The following ZC4H2 variants were observed in gnomAD, a reference collection of about 807,000 sequenced individuals.
ZC4H2 encodes the protein zinc finger C4H2-type containing, also known as zinc finger C4H2 domain-containing protein.
For missense variants in ZC4H2, 137 were observed against 173.9 expected (o/e 0.79, Z 1.19); for synonymous variants, 84 against 66.3 (o/e 1.27, Z -1.30).
intron 1 of ZC4H2, among the ~76,000 whole-genome samples, chrX:64,954,405 C>T (rs1451439445): frequency 1.4e-5 from 1 of 73,847 alleles, no homozygotes; most frequent in African/African-American, 9.2e-5. Flanking sequence ...TATATATATG[C>T]TCAAAAATTG....
chrX:64,920,404 C>T, intron 2 of ZC4H2, 151 bp from the exon 3 acceptor site: 1 of 526,858 alleles, frequency 1.9e-6, no homozygotes, highest in Non-Finnish European at 2.9e-6. Flanking sequence ...TAACTCTGGT[C>T]AAGTCTCAGT....
At chrX:65,002,915 C>T (rs1447173011) in intron 1 of ZC4H2, among the ~76,000 whole-genome samples, 19 of 109,241 alleles carry the variant, frequency 1.7e-4, no homozygotes, top group Non-Finnish European at 1.7e-4. Context: ...AGGACACAAA[C>T]ACTGCGGAAG....
chrX:64,954,459 A>T (rs1461694792), intron 1 of ZC4H2, among the ~76,000 whole-genome samples: 6 of 94,694 alleles, frequency 6.3e-5, no homozygotes, highest in Admixed American at 1.2e-4. Flanking sequence ...GCTTGCTATT[A>T]ATCATTATTA....
chrX:64,994,700 G>C (rs964107228), intron 1 of ZC4H2, among the ~76,000 whole-genome samples: 2 of 111,301 alleles, frequency 1.8e-5, no homozygotes, highest in African/African-American at 3.3e-5. Context: ...TGGTGTTAAA[G>C]CAACAGAATT....
intron 1 of ZC4H2, among the ~76,000 whole-genome samples, chrX:65,007,087 G>A (rs1310381806): frequency 9.1e-6 from 1 of 109,827 alleles, no homozygotes; most frequent in Non-Finnish European, 1.9e-5. Flanking sequence ...GAAGTGTCTC[G>A]AAGAATGTCT....
At chrX:65,026,848 G>T (rs1932884659) in intron 1 of ZC4H2, among the ~76,000 whole-genome samples, 1 of 112,361 alleles carries the variant, frequency 8.9e-6, no homozygotes, top group African/African-American at 3.2e-5. Flanking sequence ...CTCTTTCACT[G>T]CTGCATCTCT....
chrX:64,940,859 T>A (rs764152363), intron 1 of ZC4H2, among the ~76,000 whole-genome samples: 1 of 112,153 alleles, frequency 8.9e-6, no homozygotes, highest in Admixed American at 9.5e-5. Flanking sequence ...TCTTTTTGCT[T>A]AGGACTGTCT....
At chrX:64,930,403 A>G (rs1275637997) in intron 1 of ZC4H2, among the ~76,000 whole-genome samples, 1 of 111,569 alleles carries the variant, frequency 9.0e-6, no homozygotes, top group Admixed American at 9.5e-5. Context: ...TTCCAGTACT[A>G]TGTTCAATAG....
rs890713913 is a variant in ZC4H2, at chrX:64,937,488, T to G, written c.54-15500A>C. Among the ~76,000 whole-genome samples, 164 of 111,868 alleles carry G rather than the reference T, an allele frequency of 1.5e-3. 2 individuals are homozygous for G. The highest frequency in any genetic ancestry group is 3.4e-4 in the Non-Finnish European group (18 of 53,169). On this transcript the variant is annotated intron_variant, in intron 1 of 4. Transcript: ENST00000374839. The stretch of plus-strand genomic sequence containing the variant: ...CTCCAAACCAAAAGAATATATATTC[T>G]TCTCAGCAACTCATTGCACTTATTC...
At chrX:65,018,895 TCA>T (rs1184438507) in intron 1 of ZC4H2, among the ~76,000 whole-genome samples, 2 of 111,371 alleles carry the variant, frequency 1.8e-5, no homozygotes, top group Non-Finnish European at 3.8e-5. Context: ...AGTTTTCCCC[TCA>T]GAGTATAAAC....
chrX:64,960,629 G>C (rs749355133), intron 1 of ZC4H2, among the ~76,000 whole-genome samples: 48 of 112,183 alleles, frequency 4.3e-4, no homozygotes, highest in Non-Finnish European at 8.9e-4. Flanking sequence ...GGATAAAACT[G>C]ATACTAAGTA....
intron 1 of ZC4H2, among the ~76,000 whole-genome samples, chrX:64,956,547 G>T (rs1296891362): frequency 2.7e-5 from 3 of 111,431 alleles, no homozygotes; most frequent in Non-Finnish European, 5.6e-5. Flanking sequence ...AACCCAAAAT[G>T]ATGGTAACAG....
At chrX:64,971,476 T>C (rs1333673332) in intron 1 of ZC4H2, among the ~76,000 whole-genome samples, 1 of 111,810 alleles carries the variant, frequency 8.9e-6, no homozygotes, top group Non-Finnish European at 1.9e-5. Context: ...AGGTGAGTCA[T>C]TAAAGAGAAA....
intron 1 of ZC4H2, among the ~76,000 whole-genome samples, chrX:64,923,427 C>T (rs1483270769): frequency 9.1e-6 from 1 of 110,305 alleles, no homozygotes; most frequent in African/African-American, 3.3e-5. Flanking sequence ...TTGTAGTCTC[C>T]TTTCTTCTCC....
chrX:64,946,583 A>ACG (rs1248248639), intron 1 of ZC4H2, among the ~76,000 whole-genome samples: 3 of 14,968 alleles, frequency 2.0e-4, no homozygotes, highest in African/African-American at 2.1e-4. Context: ...AAATGCGTGC[A>ACG]CACACACACA....
chrX:64,928,632 CCTTCTTCTTCTTCTTCTTCTTCTTCTT>C (rs753426558), intron 1 of ZC4H2, among the ~76,000 whole-genome samples: 1 of 83,338 alleles, frequency 1.2e-5, no homozygotes, highest in Non-Finnish European at 2.3e-5. Context: ...CCTGCTTTCT[CCTTCTTCTTCTTCTTCTTCTTCTTCTT>C]CTTCTTCTTC....
chrX:64,978,850 G>A (rs1021665366), upstream of ZC4H2, among the ~76,000 whole-genome samples: 3 of 111,148 alleles, frequency 2.7e-5, no homozygotes, highest in East Asian at 2.8e-4. Context: ...GGGGAGAAGC[G>A]GAGGGTTTGT....
At chrX:64,992,806 C>T (rs992406039) in intron 1 of ZC4H2, among the ~76,000 whole-genome samples, 1 of 111,608 alleles carries the variant, frequency 9.0e-6, no homozygotes, top group African/African-American at 3.3e-5. Flanking sequence ...CTGCTAACAC[C>T]CTTACTTAAG....
chrX:65,022,727 T>C (rs745979645), intron 1 of ZC4H2, among the ~76,000 whole-genome samples: 1 of 111,855 alleles, frequency 8.9e-6, no homozygotes, highest in African/African-American at 3.2e-5. Flanking sequence ...TACCTAGGAA[T>C]ACAACTTAAA....
Sources: allele counts gnomAD v4.1 joint callset (sites outside exome capture counted in the v4.1 genomes callset), GRCh38; gene constraint gnomAD v4.1.1; transcripts MANE v1.5; gene names NCBI Gene and HGNC (gene_info 2026-07-23, HGNC 2026-07-21).